The following PDE8B variants were observed in gnomAD, a reference collection of about 807,000 sequenced individuals.
PDE8B encodes high affinity cAMP-specific and IBMX-insensitive 3',5'-cyclic phosphodiesterase 8B.
PDE8B carries 26 observed loss-of-function variants against 101.3 expected under a neutral mutation model. The ratio of observed to expected loss-of-function variants is 0.26; its 90% CI spans 0.19 to 0.36. The LOEUF is 0.36. Ranked by LOEUF, PDE8B falls within the 10% of genes least tolerant of loss-of-function variation. The pLI, the probability that PDE8B is intolerant of heterozygous loss-of-function variation, is 1.00. For missense variants in PDE8B, 810 were observed against 1,163.1 expected, an observed-to-expected ratio of 0.70 and a Z score of 4.42; for synonymous variants, 424 against 429.3, an observed-to-expected ratio of 0.99 and a Z score of 0.15.
At chr5:77,250,860 A>G (rs1757924303) in intron 1 of PDE8B, among the ~76,000 whole-genome samples, 1 of 152,252 alleles carries the variant, frequency 6.6e-6, no homozygotes, top group Non-Finnish European at 1.5e-5. Flanking sequence ...TCCAGGAGAC[A>G]TAGCATGATT....
upstream of PDE8B, among the ~76,000 whole-genome samples, chr5:77,207,029 T>C (rs1024230456): frequency 2.0e-5 from 3 of 152,202 alleles, no homozygotes; most frequent in Admixed American, 2.0e-4. Context: ...CGGTTTCAGA[T>C]TCACTCGTCT....
chr5:77,284,666 C>T (rs1182300039), intron 1 of PDE8B, among the ~76,000 whole-genome samples: 1 of 152,164 alleles, frequency 6.6e-6, no homozygotes, highest in Non-Finnish European at 1.5e-5. Flanking sequence ...TTTCTATTCA[C>T]ACTTTTAAAA....
Position 77,331,455 on chromosome 5 carries a change from A to G in PDE8B, c.704A>G (p.Asn235Ser). Residue 235 changes from asparagine (N) to serine (S), a missense_variant, in exon 5 of 22, where the codon AAC (asparagine) becomes AGC (serine). Physicochemically the swap from Asn to Ser is conservative, Grantham distance 46. Transcript: ENST00000264917. ...SVLPLLHAGF[N>S]RRFMENSSII... ...CTTCCTCTTCTCCACGCAGGCTTCA[A>G]CAGGGTATGTACAAGATATCCAGCA... 2 of 1,612,202 alleles carry G rather than the reference A, an allele frequency of 1.2e-6. No individual in the cohort carries two copies. Among genetic ancestry groups the G allele is most frequent in the Non-Finnish European group, 1.7e-6 (2 of 1,178,376 alleles).
chr5:77,422,771 T>C (rs538616883), intron 20 of PDE8B, among the ~76,000 whole-genome samples: 35 of 152,140 alleles, frequency 2.3e-4, no homozygotes, highest in African/African-American at 7.5e-4. Context: ...TTTTGTGGGG[T>C]CTGCATGGCT....
the PDE8B span, among the ~76,000 whole-genome samples, chr5:77,137,134 G>T: frequency 6.6e-6 from 1 of 152,162 alleles, no homozygotes; most frequent in South Asian, 2.1e-4. Context: ...TGTGATGTGC[G>T]CTTCTGTTTC....
intron 10 of PDE8B, among the ~76,000 whole-genome samples, chr5:77,372,116 C>G (rs977434508): frequency 2.6e-5 from 4 of 152,158 alleles, no homozygotes; most frequent in African/African-American, 9.7e-5. Context: ...ACAAGAATTG[C>G]TTGAACCCAG....
intron 1 of PDE8B, among the ~76,000 whole-genome samples, chr5:77,275,250 T>C (rs1763619065): frequency 1.3e-5 from 2 of 152,060 alleles, no homozygotes; most frequent in South Asian, 4.1e-4. Context: ...CCTTGATCAC[T>C]ACTCCTCCAG....
intron 6 of PDE8B, among the ~76,000 whole-genome samples, chr5:77,338,750 ATAGAAT>A (rs1778631898): frequency 6.6e-6 from 1 of 152,216 alleles, no homozygotes; most frequent in Non-Finnish European, 1.5e-5. Flanking sequence ...TACACAATAA[ATAGAAT>A]TAGAAAGAGG....
chr5:77,312,843 A>G (rs1386778467), intron 2 of PDE8B, among the ~76,000 whole-genome samples: 1 of 152,196 alleles, frequency 6.6e-6, no homozygotes, highest in Non-Finnish European at 1.5e-5. Context: ...GACTTAAGCC[A>G]AGCAGCCTAC....
chr5:77,390,811 G>A (rs1789754937), intron 10 of PDE8B, among the ~76,000 whole-genome samples: 1 of 152,194 alleles, frequency 6.6e-6, no homozygotes. Flanking sequence ...CAGAGCAAAT[G>A]GTTTTAGAGC....
At chr5:77,242,699 TCTCC>T (rs1167137990) in intron 1 of PDE8B, among the ~76,000 whole-genome samples, 1 of 152,136 alleles carries the variant, frequency 6.6e-6, no homozygotes, top group Non-Finnish European at 1.5e-5. Context: ...TGAGGCGGAG[TCTCC>T]CTCTGTCGCC....
chr5:77,278,470 ACTT>A (rs1764264163), intron 1 of PDE8B, among the ~76,000 whole-genome samples: 1 of 152,056 alleles, frequency 6.6e-6, no homozygotes, highest in Non-Finnish European at 1.5e-5. Context: ...AAAGAGAGAT[ACTT>A]CTTTTCTTTT....
At chr5:77,349,040 T>TA (rs1483398896) in intron 7 of PDE8B, among the ~76,000 whole-genome samples, 2 of 152,218 alleles carry the variant, frequency 1.3e-5, no homozygotes, top group Non-Finnish European at 2.9e-5. Flanking sequence ...AATTTATTTT[T>TA]ATTTCTTTTT....
At chr5:77,421,522 G>A (rs1337971543) in intron 19 of PDE8B, among the ~76,000 whole-genome samples, 1 of 152,138 alleles carries the variant, frequency 6.6e-6, no homozygotes, top group African/African-American at 2.4e-5. Context: ...TGCTGTAGCA[G>A]TTACCTCTAG....
intron 1 of PDE8B, among the ~76,000 whole-genome samples, chr5:77,311,084 G>A (rs894990880): frequency 5.3e-5 from 8 of 152,114 alleles, no homozygotes; most frequent in Non-Finnish European, 1.0e-4. Context: ...GACTGACAAG[G>A]GGCCAGTACA....
the PDE8B span, among the ~76,000 whole-genome samples, chr5:77,127,895 G>A: frequency 6.6e-6 from 1 of 152,188 alleles, no homozygotes; most frequent in African/African-American, 2.4e-5. Flanking sequence ...TGAAATAGGA[G>A]ATCTGTGAAG....
At chr5:77,105,100 T>C in the PDE8B span, 1 of 152,240 alleles carries the variant, frequency 6.6e-6, no homozygotes, top group African/African-American at 2.4e-5. Flanking sequence ...CCCATATTGT[T>C]GCATGTATCA....
chr5:77,129,254 G>A, the PDE8B span, among the ~76,000 whole-genome samples: 2 of 152,164 alleles, frequency 1.3e-5, no homozygotes, highest in East Asian at 3.9e-4. Context: ...AAAAGTTATA[G>A]CTACCTGAGG....
chr5:77,255,247 G>T (rs72766926), intron 1 of PDE8B, among the ~76,000 whole-genome samples: 4,543 of 152,218 alleles, frequency 0.03, 84 homozygotes, highest in African/African-American at 0.037. Flanking sequence ...TTTCTGGAAA[G>T]GTTTCTGCTG....
Sources: gnomAD v4.1 joint callset for allele counts (sites outside exome capture counted in the v4.1 genomes callset) on GRCh38, gnomAD v4.1.1 for gene constraint, MANE v1.5 for transcripts, NCBI Gene and HGNC (gene_info 2026-07-23, HGNC 2026-07-21) for gene names.